The following WDR48 variants were observed in gnomAD, a reference collection of about 807,000 sequenced individuals.
WDR48 encodes the protein WD repeat domain 48.
Under a neutral mutation model 94.0 loss-of-function variants are expected in WDR48, and 22 were observed. That is an observed-to-expected ratio of 0.23 (90% CI 0.17 to 0.33). The LOEUF is 0.33. WDR48 is among the 10% of genes least tolerant of loss of function. The probability of loss-of-function intolerance (pLI) is 1.00; values close to 1 mark genes in which losing one functional copy is unlikely to be tolerated. For missense variants in WDR48, 541 were observed against 813.8 expected (o/e 0.66, Z 4.08); for synonymous variants, 278 against 280.5 (o/e 0.99, Z 0.09).
chr3:39,069,830 C>T (rs1321405338), intron 7 of WDR48, 86 bp downstream of exon 7: 4 of 1,011,498 alleles, frequency 4.0e-6, no homozygotes, highest in African/African-American at 3.3e-5. Context: ...TGATTTGAAC[C>T]GAAAGCCACA....
chr3:39,077,975 C>T (rs1348865545), intron 9 of WDR48, 162 bp from the exon 10 acceptor site: 2 of 548,028 alleles, frequency 3.6e-6, no homozygotes, highest in Non-Finnish European at 6.5e-6. Flanking sequence ...TCTTTCTAAA[C>T]GATGATAGAT....
chr3:39,079,703 C>T lies in WDR48; in HGVS notation c.1076-8C>T, dbSNP rs2034420658. 1.3e-6 allele frequency: 2 copies of T among 1,500,028 alleles called. No homozygotes were observed. Among genetic ancestry groups the T allele is most frequent in the Admixed American group, 2.6e-5 (1 of 39,208 alleles). 92.9% of individuals were successfully genotyped at this position (1,500,028 alleles called of 1,614,324 possible). ...TGTTTTACCAATTGTGTTTTTTTTT[C>T]CCATTAGGGGGTGCTAGTATTATTC... On this transcript the variant is annotated splice_polypyrimidine_tract_variant and splice_region_variant and intron_variant, in intron 10 of 18. Transcript: ENST00000302313.
At position 39,065,889 on chromosome 3, in the gene WDR48, T is replaced by G. The variant is rs1471160537; in HGVS notation, c.268T>G (p.Leu90Val). ...DIVLCCNGKT[L>V]ISASSDTTVK... ...TGTACTCTGTTGTAATGGGAAAACA[T>G]GTAAGTATTTCTTTGGATTATTATT... Residue 90 changes from leucine (L) to valine (V), a missense_variant and splice_region_variant, in exon 3 of 19, where the codon TTA becomes GTA. This residue lies in a region of WDR48 where 90 missense variants were observed against 122.3 expected (regional missense o/e 0.74). Coordinates refer to ENST00000302313, the MANE Select transcript of WDR48 (RefSeq NM_020839.4). 5.1e-6 allele frequency: 8 copies of G among 1,580,054 alleles called. No homozygotes were observed. The highest frequency in any genetic ancestry group is 1.2e-5 in the South Asian group (1 of 83,794).
Position 39,078,336 on chromosome 3 carries a change from T to A in WDR48, c.1075+97T>A, listed in dbSNP as rs537029096. ...GACAATGACCTTTCTTTAAATATAA[T>A]CCTGATGTAAACAAAAGATAATACA... On this transcript the variant is annotated intron_variant, in intron 10 of 18. Transcript: ENST00000302313. 70 of 834,382 alleles carry A rather than the reference T, an allele frequency of 8.4e-5. No individual in the cohort carries two copies. The South Asian group carries it at 9.6e-4, about 11-fold the overall frequency. 51.7% of individuals were successfully genotyped at this position (834,382 alleles called of 1,614,324 possible).
chr3:39,084,038 A>G, intron 11 of WDR48, 117 bp from the exon 12 acceptor site: 4 of 645,762 alleles, frequency 6.2e-6, no homozygotes, highest in South Asian at 7.3e-5. Flanking sequence ...TTTGAAATGT[A>G]TTTTAGACTG....
chr3:39,081,207 A>G (rs538016304), intron 11 of WDR48, among the ~76,000 whole-genome samples: 1 of 152,374 alleles, frequency 6.6e-6, no homozygotes, highest in East Asian at 1.9e-4. Flanking sequence ...GGAAGAATTG[A>G]AAACAGCTGG....
chr3:39,074,631 T>G, intron 7 of WDR48, 95 bp from the exon 8 acceptor site: 685 of 1,104,394 alleles, frequency 6.2e-4, no homozygotes, highest in East Asian at 1.7e-3. Flanking sequence ...TAGAGTCGTG[T>G]GTTTGACAGT....
intron 10 of WDR48, among the ~76,000 whole-genome samples, chr3:39,078,755 G>A (rs918793987): frequency 4.4e-3 from 6 of 1,358 alleles, no homozygotes; most frequent in African/African-American, 7.4e-3. Context: ...TTAATGGGCC[G>A]GGCGCGGTGG....
chr3:39,068,948 A>G, intron 6 of WDR48, 89 bp downstream of exon 6: 1 of 1,000,998 alleles, frequency 1.0e-6, no homozygotes. Context: ...TTTTACGATT[A>G]GCTTCTTTAT....
chr3:39,054,805 C>T (rs186105674), intron 1 of WDR48, among the ~76,000 whole-genome samples: 1 of 151,822 alleles, frequency 6.6e-6, no homozygotes, highest in East Asian at 1.9e-4. Flanking sequence ...GCTCGTCTTC[C>T]AGGGAGGCCT....
chr3:39,058,670 G>A (rs773816463), intron 1 of WDR48, among the ~76,000 whole-genome samples: 5 of 152,210 alleles, frequency 3.3e-5, no homozygotes, highest in Admixed American at 6.5e-5. Flanking sequence ...GCAATGATAC[G>A]TATGTCTTTT....
intron 6 of WDR48, among the ~76,000 whole-genome samples, 198 bp from the exon 7 acceptor site, chr3:39,069,445 A>C (rs1195988926): frequency 6.6e-6 from 1 of 152,226 alleles, no homozygotes; most frequent in African/African-American, 2.4e-5. Flanking sequence ...GTATAGTGAC[A>C]AGATAAAGAG....
chr3:39,079,427 T>C (rs2034406594), intron 10 of WDR48, among the ~76,000 whole-genome samples: 1 of 152,216 alleles, frequency 6.6e-6, no homozygotes, highest in Non-Finnish European at 1.5e-5. Flanking sequence ...CTGTTGTCCC[T>C]CAACAATTTT....
At chr3:39,093,766 T>C (rs2035206789) in intron 17 of WDR48, 108 bp from the exon 18 acceptor site, 2 of 1,226,020 alleles carry the variant, frequency 1.6e-6, no homozygotes, top group Non-Finnish European at 2.1e-6. Context: ...AAAACATTTA[T>C]TGGTTTATTT....
At chr3:39,068,730 T>C in intron 5 of WDR48, 41 bp from the exon 6 acceptor site, 1 of 1,493,822 alleles carries the variant, frequency 6.7e-7, no homozygotes, top group Non-Finnish European at 9.2e-7. Flanking sequence ...ACTAAACAGC[T>C]GATGATCTTG....
intron 17 of WDR48, among the ~76,000 whole-genome samples, chr3:39,092,316 T>A (rs1477080316): frequency 6.6e-6 from 1 of 152,216 alleles, no homozygotes; most frequent in African/African-American, 2.4e-5. Flanking sequence ...TGGCTGGAGC[T>A]TCCCAGTAAG....
rs545785968 is a variant in WDR48, at chr3:39,082,989, T to A, written c.1174-1166T>A. On this transcript the variant is annotated intron_variant, in intron 11 of 18. Coordinates refer to ENST00000302313, the MANE Select transcript of WDR48 (RefSeq NM_020839.4). ...CACAATAGTATATGATTTTAAAAAGTTGCGGGGGAGTAAGAAAATGAAGAG... is the reference window on the plus strand; with the variant it reads ...CACAATAGTATATGATTTTAAAAAGATGCGGGGGAGTAAGAAAATGAAGAG... 2.2e-3 allele frequency among the ~76,000 whole-genome samples: 340 copies of A among 152,250 alleles called. 1 individual carries two copies. Among genetic ancestry groups the A allele is most frequent in the African/African-American group, 7.8e-3 (323 of 41,520 alleles).
chr3:39,085,867 A>G (rs891018462), intron 14 of WDR48, among the ~76,000 whole-genome samples: 2 of 137,046 alleles, frequency 1.5e-5, no homozygotes, highest in African/African-American at 6.1e-5. Context: ...TATTCAGATG[A>G]CTTTTGTCTT....
At position 39,095,106 on chromosome 3, in the gene WDR48, A is replaced by C. The variant is rs1202522408; in HGVS notation, c.*363A>C. ...TTAGAGACACCTCAGTCGGGCCACA[A>C]CTGTCTCTGTTTCAACTTTAAGCCC... is the stretch of plus-strand genomic sequence containing the variant. On this transcript the variant is annotated 3_prime_UTR_variant, in exon 19 of 19. Transcript: ENST00000302313. 2.1e-5 allele frequency: 5 copies of C among 237,466 alleles called. No individual in the cohort carries two copies. The highest frequency in any genetic ancestry group is 1.1e-4 in the African/African-American group (5 of 44,640). The allele number at this position is 237,466 out of a possible 1,614,324, so 14.7% of individuals were successfully genotyped here.
Sources: allele counts gnomAD v4.1 joint callset (sites outside exome capture counted in the v4.1 genomes callset), GRCh38; gene constraint gnomAD v4.1.1; regional missense constraint gnomAD v4.1.1; transcripts MANE v1.5; gene names NCBI Gene and HGNC (gene_info 2026-07-23, HGNC 2026-07-21).